CLASP2: variants seen among roughly 807,000 people sequenced by gnomAD.
CLASP2 encodes cytoplasmic linker associated protein 2.
CLASP2 carries 47 observed loss-of-function variants against 194.4 expected under a neutral mutation model. The ratio of observed to expected loss-of-function variants is 0.24; its 90% CI spans 0.19 to 0.31. The LOEUF (loss-of-function observed/expected upper bound fraction) is 0.31. CLASP2 is among the 10% of genes least tolerant of loss of function. CLASP2 has a pLI of 1.00. For synonymous variants in CLASP2, 619 were observed against 633.5 expected (o/e 0.98, Z 0.34); for missense variants, 1,445 against 1,823.6 (o/e 0.79, Z 3.78).
At chr3:33,577,747 A>G (rs1300673733) in intron 23 of CLASP2, among the ~76,000 whole-genome samples, 1 of 152,188 alleles carries the variant, frequency 6.6e-6, no homozygotes, top group Non-Finnish European at 1.5e-5. Flanking sequence ...ATTAGGAGAT[A>G]GGTGGGGCCT....
chr3:33,700,077 A>T (rs1009050441), intron 1 of CLASP2, among the ~76,000 whole-genome samples: 1 of 117,588 alleles, frequency 8.5e-6, no homozygotes, highest in Non-Finnish European at 1.9e-5. Flanking sequence ...GACAGCAGAC[A>T]AAAACTTAGA....
chr3:33,505,388 G>T (rs1220203649), intron 37 of CLASP2: 1 of 152,108 alleles, frequency 6.6e-6, no homozygotes, highest in Non-Finnish European at 1.5e-5. Context: ...AGGCAGTTAG[G>T]TAAGTTTCTT....
At chr3:33,710,208 G>A (rs1306438580) in intron 1 of CLASP2, among the ~76,000 whole-genome samples, 1 of 152,126 alleles carries the variant, frequency 6.6e-6, no homozygotes, top group African/African-American at 2.4e-5. Flanking sequence ...AGAACACAAG[G>A]AGGCATACTT....
intron 6 of CLASP2, among the ~76,000 whole-genome samples, chr3:33,671,853 C>T (rs1287236551): frequency 6.6e-6 from 1 of 152,164 alleles, no homozygotes; most frequent in African/African-American, 2.4e-5. Flanking sequence ...GCACAGCAGT[C>T]TGAGATCAAA....
chr3:33,714,516 C>G (rs1308237907), intron 1 of CLASP2, among the ~76,000 whole-genome samples: 1 of 152,156 alleles, frequency 6.6e-6, no homozygotes, highest in African/African-American at 2.4e-5. Context: ...ACTGCTCAAT[C>G]AAGGCAATTA....
chr3:33,705,431 G>A (rs186627686), intron 1 of CLASP2, among the ~76,000 whole-genome samples: 20 of 152,246 alleles, frequency 1.3e-4, no homozygotes, highest in Admixed American at 1.2e-3. Flanking sequence ...AAGGTAAAGA[G>A]TTCTTTTGGA....
chr3:33,708,285 T>C (rs1575749504), intron 1 of CLASP2, among the ~76,000 whole-genome samples: 3 of 132,980 alleles, frequency 2.3e-5, no homozygotes, highest in African/African-American at 6.1e-5. Flanking sequence ...TAAATTTGAC[T>C]TTTTTTTTTT....
intron 8 of CLASP2, among the ~76,000 whole-genome samples, chr3:33,638,744 T>C (rs544716943): frequency 6.6e-6 from 1 of 152,384 alleles, no homozygotes; most frequent in Admixed American, 6.5e-5. Flanking sequence ...TTAGAATGTA[T>C]GTGATAAATG....
chr3:33,505,664 G>C (rs1047015858), intron 37 of CLASP2, among the ~76,000 whole-genome samples: 11 of 152,272 alleles, frequency 7.2e-5, no homozygotes, highest in African/African-American at 1.2e-4. Context: ...ATAATGGAGG[G>C]ATTAGACTAA....
chr3:33,627,056 C>G lies in CLASP2; in HGVS notation c.967G>C (p.Glu323Gln). The change falls in exon 10 of 39, where the codon GAA (glutamate) becomes CAA (glutamine). Residue 323 changes from glutamate (E) to glutamine (Q), a missense_variant. Around this residue, in one of 4 missense-constraint regions of CLASP2, gnomAD observed 207 missense variants for 331.4 expected, o/e 0.62. Coordinates refer to ENST00000682230, the MANE Select transcript of CLASP2 (RefSeq NM_001365631.1). ...ATTTCCCTGATTTTATTTAATGTTT[C>G]TTCGAGTTCTCGACTAGAATAAATC... ...IQIYSSRELEETLNKIREILS... is the reference protein window; with the variant it reads ...IQIYSSRELEQTLNKIREILS... 1 of 1,574,986 alleles carries G rather than the reference C, an allele frequency of 6.3e-7. No individual in the cohort carries two copies. Among genetic ancestry groups the G allele is most frequent in the South Asian group, 1.2e-5 (1 of 86,688 alleles).
intron 7 of CLASP2, among the ~76,000 whole-genome samples, 199 bp downstream of exon 7, chr3:33,663,246 A>G (rs911280177): frequency 4.6e-5 from 7 of 151,296 alleles, no homozygotes; most frequent in Non-Finnish European, 8.8e-5. Context: ...CAACTGACTC[A>G]CTATTAAATT....
At chr3:33,576,000 T>C (rs1002756112) in intron 24 of CLASP2, among the ~76,000 whole-genome samples, 169 bp downstream of exon 24, 6 of 152,220 alleles carry the variant, frequency 3.9e-5, no homozygotes, top group African/African-American at 1.4e-4. Flanking sequence ...TTCTGATTAA[T>C]AAGGATCAAG....
chr3:33,661,012 T>C (rs1343039041), intron 7 of CLASP2, among the ~76,000 whole-genome samples: 1 of 152,228 alleles, frequency 6.6e-6, no homozygotes, highest in Non-Finnish European at 1.5e-5. Context: ...AAATTTGTTT[T>C]CAGTATTCAA....
intron 6 of CLASP2, among the ~76,000 whole-genome samples, chr3:33,680,846 G>A (rs1027210421): frequency 6.6e-6 from 1 of 151,810 alleles, no homozygotes; most frequent in Non-Finnish European, 1.5e-5. Context: ...GAATAATAAA[G>A]CTAGGTGCAG....
intron 22 of CLASP2, 23 bp downstream of exon 22, chr3:33,584,727 T>C (rs77872888): frequency 1.6e-6 from 2 of 1,255,600 alleles, no homozygotes; most frequent in African/African-American, 1.7e-5. Flanking sequence ...ATGTCTCACA[T>C]AAAAAAAAAA....
intron 29 of CLASP2, chr3:33,558,326 A>G (rs1560019863): frequency 6.6e-6 from 1 of 152,234 alleles, no homozygotes; most frequent in Non-Finnish European, 1.5e-5. Flanking sequence ...GTCAGCCCTG[A>G]TAAGAAACAT....
intron 37 of CLASP2, among the ~76,000 whole-genome samples, chr3:33,506,984 G>A (rs1003927519): frequency 6.6e-6 from 1 of 150,708 alleles, no homozygotes; most frequent in Non-Finnish European, 1.5e-5. Context: ...TGTTGCCCAG[G>A]CTGGAGTGCA....
chr3:33,513,783 T>C (rs2050552439), intron 36 of CLASP2, among the ~76,000 whole-genome samples: 1 of 152,206 alleles, frequency 6.6e-6, no homozygotes, highest in Non-Finnish European at 1.5e-5. Flanking sequence ...GCCATTTGTA[T>C]ATCTTTGGAG....
intron 36 of CLASP2, among the ~76,000 whole-genome samples, chr3:33,511,251 G>A (rs1035934929): frequency 1.1e-4 from 17 of 151,884 alleles, no homozygotes; most frequent in African/African-American, 3.6e-4. Context: ...TGTTGCCCAC[G>A]GTGATGTTAA....
Sources: allele counts gnomAD v4.1 joint callset (sites outside exome capture counted in the v4.1 genomes callset), GRCh38; gene constraint gnomAD v4.1.1; regional missense constraint gnomAD v4.1.1; transcripts MANE v1.5; gene names NCBI Gene and HGNC (gene_info 2026-07-23, HGNC 2026-07-21).